ATP2B2: variants seen among roughly 807,000 people sequenced by gnomAD.
ATP2B2 encodes ATPase plasma membrane Ca2+ transporting 2.
In ATP2B2, 15 loss-of-function variants were observed where a neutral mutation model predicts 120.0. The ratio of observed to expected loss-of-function variants is 0.12; its 90% CI spans 0.08 to 0.19. The LOEUF (loss-of-function observed/expected upper bound fraction) is 0.19, where lower values mean the gene tolerates loss of function less well. Among genes scored for constraint, ATP2B2 ranks in the 10% least tolerant of loss-of-function variants. The probability of loss-of-function intolerance (pLI) is 1.00; values close to 1 mark genes in which losing one functional copy is unlikely to be tolerated. For missense variants in ATP2B2, 1,045 were observed against 1,719.8 expected, an observed-to-expected ratio of 0.61 and a Z score of 6.94; for synonymous variants, 694 against 700.3, an observed-to-expected ratio of 0.99 and a Z score of 0.14.
At chr3:10,591,386 A>G (rs1369210185) in intron 2 of ATP2B2, among the ~76,000 whole-genome samples, 1 of 152,148 alleles carries the variant, frequency 6.6e-6, no homozygotes, top group Non-Finnish European at 1.5e-5. Context: ...TGCTGATTTA[A>G]TGATCAGGTT....
chr3:10,503,657 G>A (rs2066484372), intron 1 of ATP2B2, among the ~76,000 whole-genome samples: 1 of 152,250 alleles, frequency 6.6e-6, no homozygotes, highest in Admixed American at 6.5e-5. Flanking sequence ...GTCTTCTTAT[G>A]TGTGCAACTG....
At chr3:10,677,584 T>C (rs1357994820) in intron 1 of ATP2B2, among the ~76,000 whole-genome samples, 2 of 152,198 alleles carry the variant, frequency 1.3e-5, no homozygotes, top group African/African-American at 2.4e-5. Context: ...TCCATTGTAA[T>C]ACATATATCA....
At chr3:10,369,561 T>C (rs1453344691) in intron 12 of ATP2B2, among the ~76,000 whole-genome samples, 2 of 152,222 alleles carry the variant, frequency 1.3e-5, no homozygotes, top group Non-Finnish European at 2.9e-5. Flanking sequence ...CTGCTCTCTT[T>C]ATTTGTTAAC....
intron 1 of ATP2B2, among the ~76,000 whole-genome samples, chr3:10,689,251 G>T (rs2071597494): frequency 6.6e-6 from 1 of 152,138 alleles, no homozygotes; most frequent in Admixed American, 6.5e-5. Flanking sequence ...GCTTGTGGGT[G>T]GCGGGGCACA....
chr3:10,552,331 C>T lies in ATP2B2; in HGVS notation c.-414-18198G>A, dbSNP rs750754162. On this transcript the variant is annotated intron_variant, in intron 2 of 21. Transcript: ENST00000646379. Reference sequence around the variant, plus strand: ...AGTGGGGCACAGAGGGAACAGCTTTCGTCAGCCGAACCCCCTTGCTGCAAC... The same window carrying T: ...AGTGGGGCACAGAGGGAACAGCTTTTGTCAGCCGAACCCCCTTGCTGCAAC... Among the ~76,000 whole-genome samples, 9 of 152,334 alleles carry T rather than the reference C, an allele frequency of 5.9e-5. No individual in the cohort carries two copies. In the East Asian group the frequency reaches 9.6e-4, roughly 16 times the overall value.
rs188250542 is a variant in ATP2B2, at chr3:10,622,936, G to C, written c.-459-2975C>G. ...GAGCAAGTCACTTCAGCCTCCTGAG[G>C]TTCAGTTTTATCTTCCATAAAATGG... On this transcript the variant is annotated intron_variant, in intron 1 of 21. Transcript: ENST00000646379. Among the ~76,000 whole-genome samples, 500 of 152,192 alleles carry C rather than the reference G, an allele frequency of 3.3e-3. 1 individual carries two copies. Among genetic ancestry groups the C allele is most frequent in the Non-Finnish European group, 5.7e-3 (386 of 68,010 alleles).
At chr3:10,665,171 A>T (rs934844306) in intron 1 of ATP2B2, among the ~76,000 whole-genome samples, 24 of 152,168 alleles carry the variant, frequency 1.6e-4, no homozygotes, top group African/African-American at 4.6e-4. Flanking sequence ...TTCCCTTTGC[A>T]TTGAGGATGA....
At chr3:10,331,712 A>AT (rs34633808) in intron 22 of ATP2B2, among the ~76,000 whole-genome samples, 83,365 of 143,486 alleles carry the variant, frequency 0.58, 24,674 homozygotes, top group East Asian at 0.83. Flanking sequence ...AAAGGTAGGA[A>AT]TTTTTTTTTT....
chr3:10,506,288 G>C (rs2066624033), upstream of ATP2B2, among the ~76,000 whole-genome samples: 2 of 152,160 alleles, frequency 1.3e-5, no homozygotes, highest in Non-Finnish European at 2.9e-5. Context: ...CCTCGGGGGG[G>C]TGTGGTGGTG....
At chr3:10,444,348 G>A (rs745423889) in intron 2 of ATP2B2, among the ~76,000 whole-genome samples, 1 of 152,178 alleles carries the variant, frequency 6.6e-6, no homozygotes, top group Admixed American at 6.5e-5. Context: ...AACAACACAC[G>A]GAAGACCCCT....
chr3:10,530,591 C>T (rs1027793369), intron 3 of ATP2B2, among the ~76,000 whole-genome samples: 1 of 152,190 alleles, frequency 6.6e-6, no homozygotes, highest in South Asian at 2.1e-4. Flanking sequence ...ACAGGGCTCA[C>T]GTTTTTTTCC....
chr3:10,398,953 A>G (rs2062131940), intron 5 of ATP2B2, among the ~76,000 whole-genome samples: 1 of 151,710 alleles, frequency 6.6e-6, no homozygotes, highest in African/African-American at 2.4e-5. Context: ...TTGGCTTCCC[A>G]TCCATCTCTG....
chr3:10,348,141 G>A (rs185287681), intron 16 of ATP2B2, among the ~76,000 whole-genome samples: 227 of 152,030 alleles, frequency 1.5e-3, no homozygotes, highest in African/African-American at 3.6e-3. Context: ...CTCCCTCCTC[G>A]CTCGATGTCC....
At chr3:10,589,022 C>A (rs1184177861) in intron 2 of ATP2B2, among the ~76,000 whole-genome samples, 1 of 152,048 alleles carries the variant, frequency 6.6e-6, no homozygotes, top group Non-Finnish European at 1.5e-5. Flanking sequence ...ACTGGGCGGG[C>A]GGCAAGAAGG....
chr3:10,342,960 G>A lies in ATP2B2; in HGVS notation c.2709C>T (p.Ser903=), dbSNP rs2060322913. The change falls in exon 19 of 23, where the codon TCC becomes TCT. Residue 903 remains serine (S), a synonymous_variant. Coordinates refer to ENST00000360273, the MANE Select transcript of ATP2B2 (RefSeq NM_001001331.4). This position sits in a 1 kb window ranked among gnomAD's most constrained non-coding sequence, Gnocchi z 4.4. ...AFTGACITQD[S]PLKAVQMLWV... ...AGAGCATCTGCACGGCCTTCAGAGG[G>A]GAGTCCTGGGGACGGGCAGGAGAGG... 1.2e-6 allele frequency: 2 copies of A among 1,613,716 alleles called. No individual in the cohort carries two copies. Among genetic ancestry groups the A allele is most frequent in the Non-Finnish European group, 8.5e-7 (1 of 1,179,846 alleles).
intron 3 of ATP2B2, among the ~76,000 whole-genome samples, chr3:10,524,488 C>T (rs1170577524): frequency 6.6e-6 from 1 of 152,194 alleles, no homozygotes; most frequent in African/African-American, 2.4e-5. Context: ...GATTTGATCC[C>T]TGGCAGCTCT....
chr3:10,396,730 G>T (rs917560818), intron 5 of ATP2B2, among the ~76,000 whole-genome samples: 19 of 152,348 alleles, frequency 1.2e-4, no homozygotes, highest in Admixed American at 2.6e-4. Flanking sequence ...GAAGAGGAAG[G>T]GGGTAGCCCA....
chr3:10,586,696 C>G (rs530583581), intron 2 of ATP2B2, among the ~76,000 whole-genome samples: 7 of 152,310 alleles, frequency 4.6e-5, no homozygotes, highest in African/African-American at 1.7e-4. Flanking sequence ...AAACATGCCA[C>G]CAGCCTCTCC....
intron 1 of ATP2B2, among the ~76,000 whole-genome samples, chr3:10,629,688 G>A (rs1392904899): frequency 2.0e-5 from 3 of 152,180 alleles, no homozygotes; most frequent in Non-Finnish European, 4.4e-5. Context: ...CAGCTCCACT[G>A]CCCAAGCTTC....
Sources: allele counts gnomAD v4.1 joint callset (sites outside exome capture counted in the v4.1 genomes callset), GRCh38; gene constraint gnomAD v4.1.1; non-coding constraint Gnocchi (gnomAD v3.1); transcripts MANE v1.5; gene names NCBI Gene and HGNC (gene_info 2026-07-23, HGNC 2026-07-21).